The following ZNF778 variants were observed in gnomAD, a reference collection of about 807,000 sequenced individuals.
ZNF778 encodes the protein zinc finger protein 778.
In ZNF778, 37 loss-of-function variants were observed where a neutral mutation model predicts 23.9. The observed-to-expected ratio is 1.54, with a 90% CI of 1.19 to 2.03. ZNF778 has a LOEUF of 2.03. Ranked by LOEUF, ZNF778 falls within the 30% of genes most tolerant of loss-of-function variation. ZNF778 has a pLI of 0.00. For synonymous variants in ZNF778, 483 were observed against 343.9 expected, an observed-to-expected ratio of 1.40 and a Z score of -4.48; for missense variants, 1,297 against 934.4, an observed-to-expected ratio of 1.39 and a Z score of -5.06.
rs1567514919 is a variant in ZNF778, at chr16:89,232,970, C to T, written c.*4408C>T. ...TGCAACTCAGCTCGCTCTGCGTATG[C>T]AACTGAGCTCGCTCTGCGTATGCAA... On this transcript the variant is annotated 3_prime_UTR_variant, in exon 7 of 7. Transcript: ENST00000433976. 3.2e-6 allele frequency: 4 copies of T among 1,264,592 alleles called. No homozygotes were observed. In the South Asian group the frequency reaches 4.0e-5, roughly 13 times the overall value. 78.3% of individuals were successfully genotyped at this position (1,264,592 alleles called of 1,614,324 possible). A position where few individuals can be genotyped will look rare whatever the true frequency, so the allele number is the denominator to read the frequency against.
At chr16:89,222,994 A>T (rs923325561) in intron 3 of ZNF778, among the ~76,000 whole-genome samples, 163 bp from the exon 4 acceptor site, 9 of 152,098 alleles carry the variant, frequency 5.9e-5, no homozygotes, top group Non-Finnish European at 1.3e-4. Context: ...GGAGAGCGAC[A>T]GGGCGTGTGT....
In ZNF778 at chr16:89,234,317, A is replaced by T. The variant is rs1597373983; in HGVS notation, c.*5755A>T. 6.0e-6 allele frequency: 2 copies of T among 332,054 alleles called. No homozygotes were observed. The highest frequency in any genetic ancestry group is 1.6e-4 in the East Asian group (2 of 12,682). The allele number at this position is 332,054 out of a possible 1,614,324, so 20.6% of individuals were successfully genotyped here. ...GCCATGTTGACTCCTGGGCAGTTTT[A>T]TTCTTTCTCTCTACTCGTTCAACCT... On this transcript the variant is annotated 3_prime_UTR_variant, in exon 7 of 7. Transcript: ENST00000433976.
rs768448316 is a variant in ZNF778 at position 89,232,903 on chromosome 16, C to G, written c.*4341C>G. ...TGCAACTCAACTCGCACTGCGTATG[C>G]AACTCAACTCGCACTGCGTATGCGA... On this transcript the variant is annotated 3_prime_UTR_variant, in exon 7 of 7. Transcript: ENST00000433976. 2.3e-5 allele frequency: 30 copies of G among 1,282,382 alleles called. No homozygotes were observed. The African/African-American group carries it at 4.3e-4, about 18-fold the overall frequency. 79.4% of individuals were successfully genotyped at this position (1,282,382 alleles called of 1,614,324 possible).
intron 1 of ZNF778, among the ~76,000 whole-genome samples, 173 bp downstream of exon 1, chr16:89,218,083 G>A (rs1314090938): frequency 6.6e-6 from 1 of 152,246 alleles, no homozygotes; most frequent in Non-Finnish European, 1.5e-5. Flanking sequence ...TTAGCCCGTG[G>A]GGGCCAGCGG....
intron 4 of ZNF778, among the ~76,000 whole-genome samples, chr16:89,223,767 A>G (rs926212378): frequency 2.0e-5 from 3 of 152,138 alleles, no homozygotes; most frequent in Non-Finnish European, 4.4e-5. Context: ...AGGATGGAGT[A>G]TTTGCACTTT....
Position 89,221,105 on chromosome 16 carries a change from G to T in ZNF778, c.-23G>T, listed in dbSNP as rs201665506. ...CTTGGCTTCAGGAAAGGAGCATTCA[G>T]ACGCTTCCGTCAGCCTCCCAGGATG... On this transcript the variant is annotated 5_prime_UTR_variant, in exon 2 of 7. Transcript: ENST00000433976. 3.8e-6 allele frequency: 6 copies of T among 1,564,784 alleles called. No individual in the cohort carries two copies. The highest frequency in any genetic ancestry group is 2.7e-5 in the African/African-American group (2 of 73,642).
chr16:89,224,792 A>G lies in ZNF778; in HGVS notation c.318A>G (p.Ala106=), dbSNP rs1256823422. Residue 106 remains alanine (A), a synonymous_variant, in exon 5 of 7, where the codon GCA becomes GCG. Transcript: ENST00000433976. The part of the protein sequence containing the change: ...QEEELRAGRR[A]VLQEWRLKTK... The stretch of plus-strand genomic sequence containing the variant: ...AGGAGTTGAGGGCAGGGCGGAGAGC[A>G]GTTCTCCAAGGTAAGTGTGAAGAGC... 2.1e-5 allele frequency: 30 copies of G among 1,437,680 alleles called. No individual in the cohort carries two copies. The highest frequency in any genetic ancestry group is 2.7e-5 in the Non-Finnish European group (30 of 1,093,072). 89.1% of individuals were successfully genotyped at this position (1,437,680 alleles called of 1,614,324 possible).
intron 6 of ZNF778, among the ~76,000 whole-genome samples, chr16:89,226,081 TG>T (rs1363320440): frequency 6.7e-6 from 1 of 149,724 alleles, no homozygotes. Context: ...CCAGCTAATT[TG>T]TGTATTTTTA....
intron 4 of ZNF778, among the ~76,000 whole-genome samples, chr16:89,224,466 A>G (rs970286673): frequency 5.9e-5 from 9 of 152,148 alleles, no homozygotes; most frequent in African/African-American, 1.2e-4. Context: ...AAAAATACAA[A>G]AAACTAGCCA....
intron 6 of ZNF778, among the ~76,000 whole-genome samples, chr16:89,225,986 A>T (rs2031442654): frequency 6.6e-6 from 1 of 150,638 alleles, no homozygotes; most frequent in South Asian, 2.1e-4. Context: ...ATCTTGGCTC[A>T]CTGCAACCTC....
In ZNF778 at chr16:89,228,288, A is replaced by G; in HGVS notation, c.2000A>G (p.His667Arg). 1 of 1,605,700 alleles carries G rather than the reference A, an allele frequency of 6.2e-7. No homozygotes were observed. Among genetic ancestry groups the G allele is most frequent in the Non-Finnish European group, 8.5e-7 (1 of 1,173,256 alleles). The change falls in exon 7 of 7, where the codon CAC becomes CGC. Residue 667 changes from histidine to arginine, a missense_variant. His to Arg is a conservative substitution (Grantham distance 29). Coordinates refer to ENST00000433976, the MANE Select transcript of ZNF778 (RefSeq NM_001201407.2). ...SSHLIEHRRT[H>R]TGEKPYICNE... Reference sequence around the variant, plus strand: ...CACCTTATCGAACACAGAAGGACTCACACAGGAGAGAAACCTTACATATGT... The same window carrying G: ...CACCTTATCGAACACAGAAGGACTCGCACAGGAGAGAAACCTTACATATGT...
intron 6 of ZNF778, among the ~76,000 whole-genome samples, chr16:89,226,280 G>T (rs925116009): frequency 3.3e-5 from 5 of 151,442 alleles, no homozygotes; most frequent in African/African-American, 9.7e-5. Flanking sequence ...ATCTTAGCTC[G>T]CCGCAACCTC....
In ZNF778 at chr16:89,231,830, C is replaced by T. The variant is rs891864708; in HGVS notation, c.*3268C>T. ...TCTCCTCCGCTGCAGCTTTCCATCT[C>T]ATCTCCTTACTCCCTTGACTTGGCT... On this transcript the variant is annotated 3_prime_UTR_variant, in exon 7 of 7. Transcript: ENST00000433976. 6.6e-6 allele frequency: 1 copy of T among 152,256 alleles called. No homozygotes were observed. Among genetic ancestry groups the T allele is most frequent in the Non-Finnish European group, 1.5e-5 (1 of 68,086 alleles). The allele number at this position is 152,256 out of a possible 1,614,324, so 9.4% of individuals were successfully genotyped here.
chr16:89,221,195 T>G, intron 2 of ZNF778, 43 bp downstream of exon 2: 2 of 1,453,724 alleles, frequency 1.4e-6, no homozygotes, highest in Non-Finnish European at 1.8e-6. Flanking sequence ...CTGCTCTAGG[T>G]CCTGATACAC....
chr16:89,223,109 A>G (rs780593805), intron 3 of ZNF778, 48 bp from the exon 4 acceptor site: 16 of 1,590,940 alleles, frequency 1.0e-5, no homozygotes, highest in Middle Eastern at 1.7e-4. Flanking sequence ...TTCAGTGAAT[A>G]CCGATGGACA....
Position 89,219,915 on chromosome 16 carries a change from C to T in ZNF778, c.-131-1082C>T, listed in dbSNP as rs187508166. ...TCGGAGGGGATGTCTTTATGTAATC[C>T]AGACTGCTGAACTCGTAGAAACTAT... On this transcript the variant is annotated intron_variant, in intron 1 of 6. Transcript: ENST00000433976. Among the ~76,000 whole-genome samples the T allele has an allele frequency of 7.5e-4, 115 of 152,334 alleles. 2 individuals carry two copies. The highest frequency in any genetic ancestry group is 3.1e-3 in the South Asian group (15 of 4,828).
rs778574928 is a variant in ZNF778, at chr16:89,227,564, T to C, written c.1276T>C (p.Cys426Arg). Residue 426 changes from cysteine (C) to arginine (R), a missense_variant, in exon 7 of 7, where the codon TGT (cysteine) becomes CGT (arginine). Coordinates refer to ENST00000433976, the MANE Select transcript of ZNF778 (RefSeq NM_001201407.2). ...AATAAAACCCTATACATGCAGCTAC[T>C]GTGGGAAGGCCTTCACTGTGCGCTG... is the stretch of plus-strand genomic sequence containing the variant. ...TGIKPYTCSY[C>R]GKAFTVRCGL... 3.7e-6 allele frequency: 6 copies of C among 1,614,078 alleles called. No individual in the cohort carries two copies. Among genetic ancestry groups the C allele is most frequent in the African/African-American group, 1.3e-5 (1 of 74,918 alleles).
chr16:89,222,775 C>T (rs2031081568), intron 3 of ZNF778, among the ~76,000 whole-genome samples: 1 of 152,224 alleles, frequency 6.6e-6, no homozygotes, highest in Admixed American at 6.5e-5. Flanking sequence ...AACTTATTTC[C>T]ACATCACGAG....
Position 89,221,689 on chromosome 16 carries a change from C to G in ZNF778, c.26-403C>G, listed in dbSNP as rs2030965945. Among the ~76,000 whole-genome samples the G allele has an allele frequency of 2.1e-5, 3 of 146,004 alleles. No homozygotes were observed. In the South Asian group the frequency reaches 6.5e-4, roughly 32 times the overall value. On this transcript the variant is annotated intron_variant, in intron 2 of 6. Transcript: ENST00000433976. ...TGTATTTTCCTGAGGCAGTTTATGG[C>G]TGTATGTGTGTGTTTTCCTGAGGCA...
Sources: gnomAD v4.1 joint callset for allele counts (sites outside exome capture counted in the v4.1 genomes callset) on GRCh38, gnomAD v4.1.1 for gene constraint, MANE v1.5 for transcripts, NCBI Gene and HGNC (gene_info 2026-07-23, HGNC 2026-07-21) for gene names.